Variants in ARHGAP15 observed in about 807,000 individuals in gnomAD.
ARHGAP15 encodes rho GTPase-activating protein 15.
ARHGAP15 carries 51 observed loss-of-function variants against 63.7 expected under a neutral mutation model. The ratio of observed to expected loss-of-function variants is 0.80; its 90% CI spans 0.64 to 1.01. ARHGAP15 has a LOEUF of 1.01. Ranked by LOEUF, ARHGAP15 falls within the 50% of genes least tolerant of loss-of-function variation. ARHGAP15 has a pLI of 0.00. For synonymous variants in ARHGAP15, 191 were observed against 193.8 expected (o/e 0.99, Z 0.12); for missense variants, 560 against 564.6 (o/e 0.99, Z 0.08).
chr2:143,551,128 T>C (rs1223205994), intron 10 of ARHGAP15, among the ~76,000 whole-genome samples: 10 of 152,128 alleles, frequency 6.6e-5, no homozygotes, highest in South Asian at 4.1e-4. Flanking sequence ...ATATGACATA[T>C]TAACATTAAC....
chr2:143,141,850 G>C (rs3910609), intron 1 of ARHGAP15, among the ~76,000 whole-genome samples: 37,421 of 152,026 alleles, frequency 0.25, 6,186 homozygotes, highest in Admixed American at 0.39. Context: ...GAGGAGCAAT[G>C]TTCCTAGGGG....
intron 10 of ARHGAP15, among the ~76,000 whole-genome samples, chr2:143,543,590 T>C (rs1056924820): frequency 6.6e-6 from 1 of 152,022 alleles, no homozygotes; most frequent in African/African-American, 2.4e-5. Flanking sequence ...TGGCACATGT[T>C]AGTTTAATAT....
intron 6 of ARHGAP15, among the ~76,000 whole-genome samples, chr2:143,331,298 G>A (rs558386614): frequency 2.1e-4 from 32 of 151,914 alleles, no homozygotes; most frequent in South Asian, 1.9e-3. Context: ...TGCTCCGATC[G>A]CTCTTCTTCC....
chr2:143,239,665 C>G (rs573046118), intron 5 of ARHGAP15, among the ~76,000 whole-genome samples: 2 of 152,264 alleles, frequency 1.3e-5, no homozygotes, highest in South Asian at 4.1e-4. Flanking sequence ...GCCTGGCCCA[C>G]ATATCGAGAC....
chr2:143,303,856 CTCA>C (rs1464457358), intron 6 of ARHGAP15, among the ~76,000 whole-genome samples: 1 of 152,126 alleles, frequency 6.6e-6, no homozygotes, highest in Non-Finnish European at 1.5e-5. Flanking sequence ...TGAAAAAATG[CTCA>C]TCATCACTGG....
At chr2:143,148,302 C>G (rs1418158163) in intron 1 of ARHGAP15, among the ~76,000 whole-genome samples, 9 of 152,050 alleles carry the variant, frequency 5.9e-5, no homozygotes, top group Admixed American at 5.2e-4. Context: ...GGTAGGCAAG[C>G]CTGCTTGTGC....
chr2:143,396,013 G>C (rs1687740756), intron 6 of ARHGAP15, among the ~76,000 whole-genome samples: 1 of 152,028 alleles, frequency 6.6e-6, no homozygotes, highest in Non-Finnish European at 1.5e-5. Context: ...AAAATCCCAG[G>C]AAACACAAGT....
intron 12 of ARHGAP15, among the ~76,000 whole-genome samples, chr2:143,667,362 T>G (rs867691636): frequency 1.3e-4 from 18 of 137,208 alleles, no homozygotes; most frequent in Non-Finnish European, 2.5e-4. Context: ...TAGGTGGGAA[T>G]TGAACAATGA....
chr2:143,473,661 G>T (rs1691680423), intron 8 of ARHGAP15, among the ~76,000 whole-genome samples: 1 of 152,162 alleles, frequency 6.6e-6, no homozygotes, highest in African/African-American at 2.4e-5. Context: ...TCAAAATGAG[G>T]ATGTGTGCGC....
At chr2:143,292,891 C>A (rs1470784315) in intron 6 of ARHGAP15, among the ~76,000 whole-genome samples, 1 of 151,844 alleles carries the variant, frequency 6.6e-6, no homozygotes, top group Non-Finnish European at 1.5e-5. Flanking sequence ...TATATATCGA[C>A]CTCATTAGTT....
At chr2:143,148,202 T>C (rs1689667401) in intron 1 of ARHGAP15, among the ~76,000 whole-genome samples, 1 of 152,038 alleles carries the variant, frequency 6.6e-6, no homozygotes, top group African/African-American at 2.4e-5. Context: ...TTCAGAGTCC[T>C]GTTTATCATA....
intron 6 of ARHGAP15, among the ~76,000 whole-genome samples, chr2:143,381,381 AT>A (rs1254362379): frequency 6.6e-6 from 1 of 151,804 alleles, no homozygotes; most frequent in Non-Finnish European, 1.5e-5. Context: ...CTTAATCCTG[AT>A]TTTTCTACCT....
At chr2:143,261,276 G>GT (rs1680701115) in intron 6 of ARHGAP15, among the ~76,000 whole-genome samples, 1 of 135,300 alleles carries the variant, frequency 7.4e-6, no homozygotes. Context: ...TGGTGTATTT[G>GT]TTTATGCTAA....
At chr2:143,383,428 T>G (rs968051040) in intron 6 of ARHGAP15, among the ~76,000 whole-genome samples, 2 of 152,158 alleles carry the variant, frequency 1.3e-5, no homozygotes, top group Non-Finnish European at 2.9e-5. Context: ...AATAAAATTG[T>G]TTTAATGTCA....
chr2:143,573,206 T>C (rs1192272357), intron 11 of ARHGAP15, among the ~76,000 whole-genome samples: 1 of 152,194 alleles, frequency 6.6e-6, no homozygotes, highest in Non-Finnish European at 1.5e-5. Context: ...ATTTCTTATC[T>C]GCTAAAAGCA....
Position 143,438,736 on chromosome 2 carries a change from T to A in ARHGAP15, c.703+1694T>A, listed in dbSNP as rs368964801. Among the ~76,000 whole-genome samples, 10 of 152,334 alleles carry A rather than the reference T, an allele frequency of 6.6e-5. 1 individual carries two copies. The highest frequency in any genetic ancestry group is 2.4e-4 in the African/African-American group (10 of 41,576). ...ATGCCTGATCATTGTCTTCTTTTAC[T>A]TCATATGGTTTGAGACATAAGGTAA... is the stretch of plus-strand genomic sequence containing the variant. On this transcript the variant is annotated intron_variant, in intron 8 of 13. Coordinates refer to ENST00000295095, the MANE Select transcript of ARHGAP15 (RefSeq NM_018460.4).
chr2:143,177,413 C>T (rs1250412518), intron 2 of ARHGAP15, among the ~76,000 whole-genome samples: 1 of 152,204 alleles, frequency 6.6e-6, no homozygotes, highest in Non-Finnish European at 1.5e-5. Context: ...AGTCCCCACT[C>T]TCACCAAGTA....
At chr2:143,594,088 G>A (rs530118461) in intron 11 of ARHGAP15, among the ~76,000 whole-genome samples, 11 of 152,226 alleles carry the variant, frequency 7.2e-5, no homozygotes, top group South Asian at 2.1e-4. Context: ...ATGTGTGTGC[G>A]TGTGTAGATG....
intron 3 of ARHGAP15, among the ~76,000 whole-genome samples, chr2:143,213,974 C>T (rs1266951683): frequency 6.6e-6 from 1 of 152,180 alleles, no homozygotes; most frequent in African/African-American, 2.4e-5. Context: ...CTTATGTATT[C>T]AAAGAAAGAG....
Sources: allele counts gnomAD v4.1 joint callset (sites outside exome capture counted in the v4.1 genomes callset), GRCh38; gene constraint gnomAD v4.1.1; transcripts MANE v1.5; gene names NCBI Gene and HGNC (gene_info 2026-07-23, HGNC 2026-07-21).